The following GPBP1 variants were observed in gnomAD, a reference collection of about 807,000 sequenced individuals.
The protein encoded by GPBP1 is GC-rich promoter binding protein 1.
In GPBP1, 13 loss-of-function variants were observed where a neutral mutation model predicts 56.5. That is an observed-to-expected ratio of 0.23 (90% CI 0.15 to 0.37). The LOEUF (loss-of-function observed/expected upper bound fraction) is 0.37. GPBP1 is among the 10% of genes least tolerant of loss of function. The pLI is 1.00. For synonymous variants in GPBP1, 204 were observed against 188.9 expected (o/e 1.08, Z -0.66); for missense variants, 477 against 572.3 (o/e 0.83, Z 1.70).
intron 3 of GPBP1, among the ~76,000 whole-genome samples, chr5:57,228,471 T>C (rs1476138430): frequency 6.6e-6 from 1 of 150,406 alleles, no homozygotes; most frequent in African/African-American, 2.4e-5. Flanking sequence ...AAAAAAAGTC[T>C]GCATCTATAT....
intron 2 of GPBP1, among the ~76,000 whole-genome samples, chr5:57,181,827 A>G (rs912177481): frequency 6.6e-6 from 1 of 152,156 alleles, no homozygotes; most frequent in African/African-American, 2.4e-5. Context: ...TTGAAAAACA[A>G]AATGTTAGTG....
At position 57,175,885 on chromosome 5, in the gene GPBP1, T is replaced by G. The variant is rs1579959970; in HGVS notation, c.-573T>G. 35 of 398,250 alleles carry G rather than the reference T, an allele frequency of 8.8e-5. 1 individual carries two copies. The East Asian group carries it at 1.2e-3, about 14-fold the overall frequency. 24.7% of individuals were successfully genotyped at this position (398,250 alleles called of 1,614,324 possible). A position where few individuals can be genotyped will look rare whatever the true frequency, so the allele number is the denominator to read the frequency against. ...AGTTTTAGGAATTTTTGACTTCAGC[T>G]CTTTCATGTCACAATGGGACACTTT... On this transcript the variant is annotated 5_prime_UTR_variant, in exon 2 of 12. Transcript: ENST00000506184.
intron 2 of GPBP1, among the ~76,000 whole-genome samples, chr5:57,211,799 C>T (rs1755494103): frequency 6.6e-6 from 1 of 151,976 alleles, no homozygotes. Context: ...GTCAAACTCC[C>T]AACCTCAGGT....
chr5:57,256,496 T>G (rs1241829620), intron 10 of GPBP1, among the ~76,000 whole-genome samples: 1 of 133,760 alleles, frequency 7.5e-6, no homozygotes, highest in Non-Finnish European at 1.5e-5. Context: ...TTTAACCAAG[T>G]TTTTTTCCCT....
Position 57,179,290 on chromosome 5 carries a change from T to G in GPBP1, c.-58+2890T>G, listed in dbSNP as rs1454599147. Among the ~76,000 whole-genome samples the G allele has an allele frequency of 3.3e-5, 5 of 152,254 alleles. No homozygotes were observed. The South Asian group carries it at 1.0e-3, about 32-fold the overall frequency. On this transcript the variant is annotated intron_variant, in intron 2 of 11. Coordinates refer to ENST00000506184, the MANE Select transcript of GPBP1 (RefSeq NM_022913.4). Reference sequence around the variant, plus strand: ...TGGAGTTTGGAAATAAACTAAGAGATATTACTGTTTTGCTATTTGCAGTAA... The same window carrying G: ...TGGAGTTTGGAAATAAACTAAGAGAGATTACTGTTTTGCTATTTGCAGTAA...
At chr5:57,208,657 T>A (rs1372923689) in intron 2 of GPBP1, among the ~76,000 whole-genome samples, 1 of 48,592 alleles carries the variant, frequency 2.1e-5, no homozygotes, top group African/African-American at 1.2e-4. Context: ...TTGTTTTTCT[T>A]TTTTTTTTTT....
chr5:57,213,394 C>T (rs1367807823), intron 2 of GPBP1, among the ~76,000 whole-genome samples: 1 of 152,124 alleles, frequency 6.6e-6, no homozygotes. Context: ...ACCATTATCA[C>T]ATCTAAAGTG....
chr5:57,177,747 C>T (rs540985288), intron 2 of GPBP1, among the ~76,000 whole-genome samples: 2 of 145,732 alleles, frequency 1.4e-5, no homozygotes, highest in South Asian at 2.2e-4. Context: ...GTGATCCTTG[C>T]GCCTTGGCTT....
chr5:57,259,173 G>A (rs1741785842), intron 10 of GPBP1, among the ~76,000 whole-genome samples: 1 of 152,214 alleles, frequency 6.6e-6, no homozygotes, highest in South Asian at 2.1e-4. Flanking sequence ...GCAACAAGGT[G>A]CTGTGCAATA....
chr5:57,201,461 A>G (rs557602048), intron 2 of GPBP1, among the ~76,000 whole-genome samples: 192 of 152,224 alleles, frequency 1.3e-3, no homozygotes, highest in Admixed American at 1.8e-3. Context: ...TGCTGGAATT[A>G]TAGGCGTGAG....
chr5:57,192,225 T>C (rs1396133560), intron 2 of GPBP1, among the ~76,000 whole-genome samples: 2 of 152,076 alleles, frequency 1.3e-5, no homozygotes, highest in African/African-American at 4.8e-5. Context: ...CTGAGCTGGG[T>C]GCCTTAATTT....
chr5:57,227,220 T>C (rs1756236668), intron 3 of GPBP1, among the ~76,000 whole-genome samples: 1 of 152,084 alleles, frequency 6.6e-6, no homozygotes, highest in South Asian at 2.1e-4. Flanking sequence ...ACCCAGCTAA[T>C]TTTTGTACTT....
intron 3 of GPBP1, among the ~76,000 whole-genome samples, chr5:57,217,303 T>A (rs1290156629): frequency 1.3e-5 from 2 of 152,144 alleles, no homozygotes; most frequent in Admixed American, 6.6e-5. Flanking sequence ...CTGGGTGCGG[T>A]GGCTCACGCC....
intron 3 of GPBP1, among the ~76,000 whole-genome samples, chr5:57,229,762 C>T: frequency 6.6e-6 from 1 of 152,012 alleles, no homozygotes; most frequent in East Asian, 1.9e-4. Context: ...TGGTCTCGAA[C>T]TCCTGACCTC....
intron 2 of GPBP1, among the ~76,000 whole-genome samples, chr5:57,179,859 T>A (rs1334451680): frequency 6.6e-6 from 1 of 152,112 alleles, no homozygotes; most frequent in East Asian, 1.9e-4. Context: ...TGCCTCCCAA[T>A]ATGCTGGGAT....
At chr5:57,198,588 C>A (rs1754864574) in intron 2 of GPBP1, among the ~76,000 whole-genome samples, 1 of 152,118 alleles carries the variant, frequency 6.6e-6, no homozygotes, top group Non-Finnish European at 1.5e-5. Flanking sequence ...CGCAGTCACA[C>A]CTGTAATCTC....
Position 57,251,105 on chromosome 5 carries a change from C to A in GPBP1, c.1124C>A (p.Thr375Asn), listed in dbSNP as rs1162836085. 3.7e-6 allele frequency: 6 copies of A among 1,611,054 alleles called. No homozygotes were observed. The Admixed American group carries it at 5.1e-5, about 14-fold the overall frequency. The change falls in exon 10 of 12, where the codon ACT becomes AAT. Residue 375 changes from threonine to asparagine, a missense_variant. Physicochemically the swap from Thr to Asn is moderately conservative, Grantham distance 65. This residue lies in a region of GPBP1 where 414 missense variants were observed against 458.2 expected (regional missense o/e 0.90). Transcript: ENST00000506184. ...QIIRSSTFPQ[T>N]DVLSSSLEAE... ...ATTCGGTCTTCAACCTTCCCACAAA[C>A]TGATGTTCTTTCAAGTTCACTTGAG... is the stretch of plus-strand genomic sequence containing the variant.
chr5:57,180,899 G>A (rs531810110), intron 2 of GPBP1, among the ~76,000 whole-genome samples: 7 of 152,158 alleles, frequency 4.6e-5, no homozygotes, highest in East Asian at 1.9e-4. Flanking sequence ...CCACCACCAC[G>A]CCCAGCTAAT....
intron 3 of GPBP1, among the ~76,000 whole-genome samples, chr5:57,218,834 C>T (rs1250269700): frequency 6.6e-6 from 1 of 152,118 alleles, no homozygotes; most frequent in Admixed American, 6.5e-5. Context: ...AAATTTTGGC[C>T]ATATGTGTTG....
Sources: allele counts gnomAD v4.1 joint callset (sites outside exome capture counted in the v4.1 genomes callset), GRCh38; gene constraint gnomAD v4.1.1; regional missense constraint gnomAD v4.1.1; transcripts MANE v1.5; gene names NCBI Gene and HGNC (gene_info 2026-07-23, HGNC 2026-07-21).